Variants in NALF1 observed in about 807,000 individuals in gnomAD.
The protein encoded by NALF1 is family with sequence similarity 155 member A.
Under a neutral mutation model 48.4 loss-of-function variants are expected in NALF1, and 3 were observed. The ratio of observed to expected loss-of-function variants is 0.06; its 90% confidence interval spans 0.03 to 0.16. The LOEUF is 0.16. NALF1 is among the 10% of genes least tolerant of loss of function. The probability of loss-of-function intolerance (pLI) is 1.00; values close to 1 mark genes in which losing one functional copy is unlikely to be tolerated. For missense variants in NALF1, 526 were observed against 571.5 expected, an observed-to-expected ratio of 0.92 and a Z score of 0.81; for synonymous variants, 262 against 245.7, an observed-to-expected ratio of 1.07 and a Z score of -0.62.
intron 1 of NALF1, among the ~76,000 whole-genome samples, chr13:107,519,003 G>A (rs545641742): frequency 3.3e-5 from 5 of 152,278 alleles, no homozygotes; most frequent in Non-Finnish European, 5.9e-5. Flanking sequence ...GGGAAATGGC[G>A]CAACACTCAG....
intron 1 of NALF1, among the ~76,000 whole-genome samples, chr13:107,546,644 C>CCT (rs899975968): frequency 5.3e-5 from 8 of 151,264 alleles, no homozygotes; most frequent in Non-Finnish European, 1.2e-4. Context: ...TCTCTCCCGC[C>CCT]CTCTCTCTCT....
At chr13:107,188,403 A>T (rs1484971105) in intron 2 of NALF1, among the ~76,000 whole-genome samples, 3 of 152,154 alleles carry the variant, frequency 2.0e-5, no homozygotes, top group African/African-American at 7.2e-5. Flanking sequence ...TAAAACAATA[A>T]GAGAGGCCAA....
intron 1 of NALF1, among the ~76,000 whole-genome samples, chr13:107,683,644 T>G (rs1881359452): frequency 6.6e-6 from 1 of 152,318 alleles, no homozygotes; most frequent in South Asian, 2.1e-4. Context: ...TTGTCCTTTC[T>G]TAGCTGGAAA....
chr13:107,825,930 G>A (rs1055726556), intron 1 of NALF1, among the ~76,000 whole-genome samples: 3 of 151,986 alleles, frequency 2.0e-5, no homozygotes, highest in South Asian at 2.1e-4. Flanking sequence ...ACAGGCTCCC[G>A]CCACTGCGCC....
chr13:107,445,606 A>G (rs1221294735), intron 1 of NALF1, among the ~76,000 whole-genome samples: 1 of 152,218 alleles, frequency 6.6e-6, no homozygotes, highest in Non-Finnish European at 1.5e-5. Context: ...TTCATATGGT[A>G]AGTATGTGTT....
chr13:107,206,490 C>A (rs1194448034), intron 2 of NALF1, among the ~76,000 whole-genome samples: 1 of 152,158 alleles, frequency 6.6e-6, no homozygotes, highest in Non-Finnish European at 1.5e-5. Context: ...AAATTTGGTA[C>A]ATGGTGATGT....
chr13:107,853,751 A>T (rs74112685), intron 1 of NALF1, among the ~76,000 whole-genome samples: 1 of 152,208 alleles, frequency 6.6e-6, no homozygotes, highest in Non-Finnish European at 1.5e-5. Context: ...GAAATGAGAA[A>T]TGTATTTACC....
At chr13:107,620,343 T>C (rs1459056415) in intron 1 of NALF1, among the ~76,000 whole-genome samples, 1 of 152,202 alleles carries the variant, frequency 6.6e-6, no homozygotes, top group Non-Finnish European at 1.5e-5. Flanking sequence ...ATAGAGATAA[T>C]CTATGCAGAG....
At chr13:107,240,502 A>G (rs1185725153) in intron 1 of NALF1, among the ~76,000 whole-genome samples, 1 of 152,200 alleles carries the variant, frequency 6.6e-6, no homozygotes, top group Admixed American at 6.5e-5. Context: ...TGAAATATGT[A>G]TTTAGTAAGT....
At chr13:107,387,270 T>C (rs1442799707) in intron 1 of NALF1, among the ~76,000 whole-genome samples, 1 of 152,204 alleles carries the variant, frequency 6.6e-6, no homozygotes, top group Non-Finnish European at 1.5e-5. Context: ...ACTCCTTGTA[T>C]GAATTGATTT....
intron 1 of NALF1, among the ~76,000 whole-genome samples, chr13:107,604,599 CA>C (rs1189557624): frequency 6.6e-6 from 1 of 152,138 alleles, no homozygotes. Flanking sequence ...TTATTCTCCA[CA>C]ATTAAGGCTG....
chr13:107,568,969 T>C (rs942557789), intron 1 of NALF1, among the ~76,000 whole-genome samples: 10 of 152,218 alleles, frequency 6.6e-5, no homozygotes, highest in African/African-American at 2.2e-4. Context: ...CTATGGATTA[T>C]GCTTGTGATG....
At chr13:107,681,493 A>G (rs921627245) in intron 1 of NALF1, among the ~76,000 whole-genome samples, 1 of 151,692 alleles carries the variant, frequency 6.6e-6, no homozygotes, top group Admixed American at 6.6e-5. Context: ...TTTAAAAAAA[A>G]ATCACTATTT....
At chr13:107,329,409 T>A (rs769747600) in intron 1 of NALF1, among the ~76,000 whole-genome samples, 2 of 152,146 alleles carry the variant, frequency 1.3e-5, no homozygotes, top group Non-Finnish European at 2.9e-5. Flanking sequence ...CACCATGTTC[T>A]GACACAGATA....
intron 1 of NALF1, among the ~76,000 whole-genome samples, chr13:107,502,654 A>C (rs1346510727): frequency 6.6e-6 from 1 of 152,166 alleles, no homozygotes; most frequent in South Asian, 2.1e-4. Context: ...CTAACCATTT[A>C]AACAACACAT....
chr13:107,484,591 C>T (rs1172979385), intron 1 of NALF1, among the ~76,000 whole-genome samples: 1 of 152,134 alleles, frequency 6.6e-6, no homozygotes, highest in Non-Finnish European at 1.5e-5. Flanking sequence ...CCATCCAACA[C>T]ATATTGTTGA....
intron 1 of NALF1, among the ~76,000 whole-genome samples, chr13:107,843,863 G>A (rs575327540): frequency 6.6e-6 from 1 of 152,098 alleles, no homozygotes; most frequent in Admixed American, 6.6e-5. Flanking sequence ...GGAGAGAAAC[G>A]AAATGTTAGC....
At chr13:107,728,054 T>C (rs2138533379) in intron 1 of NALF1, among the ~76,000 whole-genome samples, 1 of 152,282 alleles carries the variant, frequency 6.6e-6, no homozygotes, top group South Asian at 2.1e-4. Flanking sequence ...GGAGAGGATG[T>C]GGAGAAATAG....
chr13:107,602,583 T>A (rs1878960368), intron 1 of NALF1, among the ~76,000 whole-genome samples: 1 of 152,256 alleles, frequency 6.6e-6, no homozygotes, highest in Non-Finnish European at 1.5e-5. Context: ...GGCTTATTAA[T>A]ATTTTCCTAT....
Sources: allele counts gnomAD v4.1 joint callset (sites outside exome capture counted in the v4.1 genomes callset), GRCh38; gene constraint gnomAD v4.1.1; transcripts MANE v1.5; gene names NCBI Gene and HGNC (gene_info 2026-07-23, HGNC 2026-07-21).